Variants in FARS2 observed in about 807,000 individuals in gnomAD.
FARS2 encodes phenylalanyl-tRNA synthetase 2, mitochondrial.
FARS2 carries 40 observed loss-of-function variants against 46.4 expected under a neutral mutation model. The ratio of observed to expected loss-of-function variants is 0.86; its 90% CI spans 0.67 to 1.12. The LOEUF is 1.12. Among genes scored for constraint, FARS2 ranks in the 50% most tolerant of loss-of-function variants. FARS2 has a pLI of 0.00. For missense variants in FARS2, 513 were observed against 567.9 expected (o/e 0.90, Z 0.98); for synonymous variants, 234 against 214.9 (o/e 1.09, Z -0.78).
intron 2 of FARS2, among the ~76,000 whole-genome samples, chr6:5,393,725 G>C (rs1760725524): frequency 6.6e-6 from 1 of 152,168 alleles, no homozygotes; most frequent in Non-Finnish European, 1.5e-5. Flanking sequence ...GGTATAATTA[G>C]TATTATCACG....
intron 4 of FARS2, among the ~76,000 whole-genome samples, chr6:5,484,255 A>C (rs945217195): frequency 5.3e-5 from 8 of 152,234 alleles, no homozygotes; most frequent in Non-Finnish European, 7.3e-5. Flanking sequence ...TATGCTGTGA[A>C]GGAATTATCT....
chr6:5,533,079 TAGAA>T (rs1769964949), intron 4 of FARS2, among the ~76,000 whole-genome samples: 2 of 152,018 alleles, frequency 1.3e-5, no homozygotes, highest in South Asian at 2.1e-4. Context: ...GAAAATAAAA[TAGAA>T]AGACAGAATG....
chr6:5,517,116 G>A (rs184433164), intron 4 of FARS2, among the ~76,000 whole-genome samples: 31 of 152,208 alleles, frequency 2.0e-4, no homozygotes, highest in African/African-American at 6.5e-4. Context: ...GAGATGGGAA[G>A]GGCTGTCTGA....
At chr6:5,406,450 T>C (rs933270569) in intron 3 of FARS2, among the ~76,000 whole-genome samples, 1 of 152,192 alleles carries the variant, frequency 6.6e-6, no homozygotes, top group African/African-American at 2.4e-5. Flanking sequence ...TTACCACATC[T>C]CACCCCGGGC....
intron 5 of FARS2, among the ~76,000 whole-genome samples, chr6:5,583,454 T>G (rs1451400681): frequency 6.6e-6 from 1 of 152,192 alleles, no homozygotes; most frequent in Non-Finnish European, 1.5e-5. Flanking sequence ...CCAAGAGATT[T>G]CATTTGTATG....
intron 4 of FARS2, among the ~76,000 whole-genome samples, chr6:5,492,348 A>G (rs1196379706): frequency 1.3e-5 from 2 of 152,252 alleles, no homozygotes; most frequent in Non-Finnish European, 2.9e-5. Context: ...AGATAACTCA[A>G]TACAGGACTG....
chr6:5,615,322 G>A (rs1582591059), intron 6 of FARS2, among the ~76,000 whole-genome samples: 1 of 151,932 alleles, frequency 6.6e-6, no homozygotes, highest in South Asian at 2.1e-4. Flanking sequence ...GCTTCATTTG[G>A]TATGCTCTCC....
chr6:5,376,680 G>T (rs1406239929), intron 2 of FARS2, among the ~76,000 whole-genome samples: 1 of 152,084 alleles, frequency 6.6e-6, no homozygotes, highest in Non-Finnish European at 1.5e-5. Context: ...AGGGAAACAA[G>T]TACACCGCGA....
chr6:5,537,706 C>G (rs917279983), intron 4 of FARS2, among the ~76,000 whole-genome samples: 3 of 152,244 alleles, frequency 2.0e-5, no homozygotes, highest in African/African-American at 7.2e-5. Context: ...GCTTCCCTCT[C>G]TGACGCTGTA....
intron 4 of FARS2, among the ~76,000 whole-genome samples, chr6:5,514,283 T>A (rs1768649415): frequency 6.6e-6 from 1 of 152,182 alleles, no homozygotes; most frequent in African/African-American, 2.4e-5. Context: ...AGTACACATT[T>A]CTAATGGAAG....
At position 5,545,327 on chromosome 6, in the gene FARS2, A is replaced by C; in HGVS notation, c.1052A>C (p.Lys351Thr). The C allele has an allele frequency of 1.9e-6, 3 of 1,613,602 alleles. No individual in the cohort carries two copies. Among genetic ancestry groups the C allele is most frequent in the Non-Finnish European group, 2.5e-6 (3 of 1,179,702 alleles). ...KQFCVSNINQ[K>T]VKFQPLSKYP... The stretch of plus-strand genomic sequence containing the variant: ...TTCTGTGTATCCAACATTAATCAGA[A>C]GGTGAAGTTTCAGGTAAGATGACTT... Residue 351 changes from lysine to threonine, a missense_variant, in exon 5 of 7, where the codon AAG (lysine) becomes ACG (threonine). Coordinates refer to ENST00000274680, the MANE Select transcript of FARS2 (RefSeq NM_006567.5).
chr6:5,689,155 C>A (rs944737340), intron 6 of FARS2, among the ~76,000 whole-genome samples: 1 of 152,144 alleles, frequency 6.6e-6, no homozygotes, highest in Non-Finnish European at 1.5e-5. Flanking sequence ...AAAACCAGCT[C>A]CTGGGTTCAT....
chr6:5,713,070 T>C (rs1449436750), intron 6 of FARS2, among the ~76,000 whole-genome samples: 1 of 152,206 alleles, frequency 6.6e-6, no homozygotes, highest in South Asian at 2.1e-4. Flanking sequence ...CAGTGTGCAG[T>C]CACAAACCTT....
At chr6:5,581,262 C>G (rs1322686122) in intron 5 of FARS2, among the ~76,000 whole-genome samples, 1 of 152,204 alleles carries the variant, frequency 6.6e-6, no homozygotes, top group African/African-American at 2.4e-5. Flanking sequence ...AGTTTCAGAA[C>G]ATTTACTGCT....
chr6:5,340,527 AT>A (rs1398062529), intron 1 of FARS2, among the ~76,000 whole-genome samples: 1 of 152,152 alleles, frequency 6.6e-6, no homozygotes, highest in African/African-American at 2.4e-5. Flanking sequence ...GTTTGAAGTG[AT>A]TTTCCTTAAA....
intron 2 of FARS2, among the ~76,000 whole-genome samples, chr6:5,393,651 A>AC (rs1760719828): frequency 6.6e-6 from 1 of 152,016 alleles, no homozygotes; most frequent in Non-Finnish European, 1.5e-5. Context: ...CCGAGACTCC[A>AC]CCTAAAAAAA....
At chr6:5,369,620 T>C (rs1452617289) in intron 2 of FARS2, among the ~76,000 whole-genome samples, 1 of 152,160 alleles carries the variant, frequency 6.6e-6, no homozygotes, top group African/African-American at 2.4e-5. Context: ...TTAGGTACCT[T>C]AGGGGCCTGA....
chr6:5,562,864 C>T (rs370007191), intron 5 of FARS2, among the ~76,000 whole-genome samples: 5 of 149,224 alleles, frequency 3.4e-5, no homozygotes, highest in Admixed American at 6.7e-5. Flanking sequence ...AGTGCAATGG[C>T]GCGATCTAGG....
intron 6 of FARS2, among the ~76,000 whole-genome samples, chr6:5,628,655 C>T (rs536198834): frequency 1.2e-4 from 18 of 152,332 alleles, no homozygotes; most frequent in Non-Finnish European, 2.1e-4. Context: ...GAACCATCCC[C>T]GGCCACGTTT....
Sources: allele counts gnomAD v4.1 joint callset (sites outside exome capture counted in the v4.1 genomes callset), GRCh38; gene constraint gnomAD v4.1.1; transcripts MANE v1.5; gene names NCBI Gene and HGNC (gene_info 2026-07-23, HGNC 2026-07-21).